DRICH1: variants seen among roughly 807,000 people sequenced by gnomAD.
The protein encoded by DRICH1 is aspartate-rich protein 1.
DRICH1 carries 38 observed loss-of-function variants against 39.5 expected under a neutral mutation model. The ratio of observed to expected loss-of-function variants is 0.96; its 90% CI spans 0.74 to 1.26. DRICH1 has a LOEUF of 1.26. Among genes scored for constraint, DRICH1 ranks in the 50% most tolerant of loss-of-function variants. DRICH1 has a pLI of 0.00. For missense variants in DRICH1, 279 were observed against 270.4 expected (o/e 1.03, Z -0.22); for synonymous variants, 84 against 99.5 (o/e 0.84, Z 0.93).
the DRICH1 span, among the ~76,000 whole-genome samples, chr22:23,593,177 T>C: frequency 1.5e-4 from 23 of 152,154 alleles, no homozygotes; most frequent in South Asian, 4.8e-3. Context: ...CAAAATTATA[T>C]ATTAATAAAA....
chr22:23,598,170 C>T, the DRICH1 span, among the ~76,000 whole-genome samples: 2 of 148,200 alleles, frequency 1.3e-5, no homozygotes, highest in Non-Finnish European at 3.0e-5. Context: ...TGGCCAACCC[C>T]TTCACCCAGG....
At chr22:23,606,061 A>T (rs12172223), downstream of DRICH1, among the ~76,000 whole-genome samples, 71 of 146,818 alleles carry the variant, frequency 4.8e-4, 1 homozygote, top group South Asian at 8.7e-3. Context: ...AAAAAAAAAA[A>T]TTTTTTTTTT....
the DRICH1 span, among the ~76,000 whole-genome samples, chr22:23,582,207 G>C: frequency 6.9e-6 from 1 of 144,596 alleles, no homozygotes; most frequent in East Asian, 2.1e-4. Context: ...TCAAACTCCT[G>C]ACCTCATGAT....
At chr22:23,620,743 G>GGCCAAACATTCTAGCATAGAGAACA (rs1927674500) in intron 4 of DRICH1, 128 bp from the exon 5 acceptor site, 1 of 1,052,748 alleles carries the variant, frequency 9.5e-7, no homozygotes, top group African/African-American at 1.6e-5. Flanking sequence ...CAAGGTCAAA[G>GGCCAAACATTCTAGCATAGAGAACA]GCCAAACATT....
intron 10 of DRICH1, 120 bp from the exon 11 acceptor site, chr22:23,613,450 T>C: frequency 2.1e-6 from 2 of 962,424 alleles, no homozygotes; most frequent in African/African-American, 1.6e-5. Context: ...GCTTCATACA[T>C]GATCCCCTAA....
chr22:23,626,276 T>C (rs1260963707), intron 1 of DRICH1, among the ~76,000 whole-genome samples: 2 of 152,176 alleles, frequency 1.3e-5, no homozygotes, highest in Non-Finnish European at 2.9e-5. Context: ...TCCCAGAAGA[T>C]ATTAACCAAT....
chr22:23,594,578 GTCA>G, the DRICH1 span, among the ~76,000 whole-genome samples: 2 of 152,120 alleles, frequency 1.3e-5, no homozygotes, highest in Non-Finnish European at 2.9e-5. Context: ...TGTATTTTTA[GTCA>G]TTGTTGAAGT....
Position 23,608,636 on chromosome 22 carries a change from T to C in DRICH1, c.*128A>G. ...GAAGCAGCCTTGGACTTTTTCTCTC[T>C]GCTGGGACCAAGAGTTTTCCTCAGA... On this transcript the variant is annotated 3_prime_UTR_variant, in exon 12 of 12. Coordinates refer to ENST00000317749, the MANE Select transcript of DRICH1 (RefSeq NM_016449.4). 1 of 993,128 alleles carries C rather than the reference T, an allele frequency of 1.0e-6. No individual in the cohort carries two copies. 61.5% of individuals were successfully genotyped at this position (993,128 alleles called of 1,614,324 possible). A position where few individuals can be genotyped will look rare whatever the true frequency, so the allele number is the denominator to read the frequency against.
chr22:23,613,348 C>T lies in DRICH1; in HGVS notation c.644-18G>A, dbSNP rs751370654. 15 of 1,605,808 alleles carry T rather than the reference C, an allele frequency of 9.3e-6. No individual in the cohort carries two copies. Among genetic ancestry groups the T allele is most frequent in the Non-Finnish European group, 1.3e-5 (15 of 1,172,654 alleles). ...CGTCAAGTCTTTAGAAACAAAAACA[C>T]CAGAATAAGTCATTAGAGAGAGTGA... On this transcript the variant is annotated intron_variant, in intron 10 of 11. Transcript: ENST00000317749.
At chr22:23,613,779 G>A (rs1927185835) in intron 9 of DRICH1, 119 bp from the exon 10 acceptor site, 2 of 726,462 alleles carry the variant, frequency 2.8e-6, no homozygotes, top group South Asian at 1.7e-5. Context: ...TTGAGCCATA[G>A]GTCAAAGTCC....
At chr22:23,631,718 C>G (rs1394365492) in intron 1 of DRICH1, 98 bp downstream of exon 1, 5 of 995,376 alleles carry the variant, frequency 5.0e-6, no homozygotes, top group African/African-American at 4.8e-5. Context: ...CAGGAGGGAG[C>G]TGGAAGCTGA....
chr22:23,627,186 C>G (rs1179568006), intron 1 of DRICH1, among the ~76,000 whole-genome samples: 3 of 151,366 alleles, frequency 2.0e-5, no homozygotes, highest in African/African-American at 7.3e-5. Flanking sequence ...GATTCTCCTG[C>G]CTCAGTTTCC....
At chr22:23,620,969 TGAAAA>T (rs1927691555) in intron 4 of DRICH1, among the ~76,000 whole-genome samples, 1 of 152,144 alleles carries the variant, frequency 6.6e-6, no homozygotes, top group Non-Finnish European at 1.5e-5. Flanking sequence ...ATGTATTCGA[TGAAAA>T]GAAACTCCCG....
chr22:23,622,138 G>T lies in DRICH1; in HGVS notation c.337C>A (p.Arg113=). The change falls in exon 4 of 12, where the codon CGA becomes AGA. Residue 113 remains arginine, a synonymous_variant. Coordinates refer to ENST00000317749, the MANE Select transcript of DRICH1 (RefSeq NM_016449.4). ...EDNLSLVCLP[R]SEDDDCDDDD... ...TCATCACAGTCATCATCTTCACTTC[G>T]TGGTAGGCATACTAAACTCAGGTTG... 1 of 1,614,002 alleles carries T rather than the reference G, an allele frequency of 6.2e-7. No individual in the cohort carries two copies.
intron 8 of DRICH1, among the ~76,000 whole-genome samples, chr22:23,614,486 T>G (rs55926718): frequency 0.034 from 5,134 of 152,296 alleles, 126 homozygotes; most frequent in Middle Eastern, 0.099. Context: ...TAAGGGTCAG[T>G]GGAAGAGTGC....
the DRICH1 span, among the ~76,000 whole-genome samples, chr22:23,584,428 C>T: frequency 1.1e-4 from 16 of 152,138 alleles, no homozygotes; most frequent in African/African-American, 2.2e-4. Context: ...TCAAAGACTC[C>T]GCCTGCACCA....
At chr22:23,604,341 C>A (rs1161311142), downstream of DRICH1, among the ~76,000 whole-genome samples, 2 of 152,166 alleles carry the variant, frequency 1.3e-5, 1 homozygote, top group Non-Finnish European at 2.9e-5. Flanking sequence ...GTGTCCCCTG[C>A]ACCTGTCACT....
chr22:23,590,491 T>C, the DRICH1 span, among the ~76,000 whole-genome samples: 10 of 152,234 alleles, frequency 6.6e-5, no homozygotes, highest in African/African-American at 2.4e-4. Context: ...TTGCCCAGGC[T>C]GGTCTCAAAC....
intron 6 of DRICH1, 43 bp downstream of exon 6, chr22:23,619,321 C>T (rs779852740): frequency 2.6e-6 from 2 of 779,290 alleles, no homozygotes; most frequent in South Asian, 2.7e-5. Flanking sequence ...GAAGACTCAG[C>T]ATGACTAACA....
Sources: gnomAD v4.1 joint callset for allele counts (sites outside exome capture counted in the v4.1 genomes callset) on GRCh38, gnomAD v4.1.1 for gene constraint, MANE v1.5 for transcripts, NCBI Gene and HGNC (gene_info 2026-07-23, HGNC 2026-07-21) for gene names.